ANKRD13B: variants seen among roughly 807,000 people sequenced by gnomAD.
The protein encoded by ANKRD13B is ankyrin repeat domain 13B.
ANKRD13B carries 33 observed loss-of-function variants against 74.4 expected under a neutral mutation model. The ratio of observed to expected loss-of-function variants is 0.44; its 90% CI spans 0.34 to 0.59. The LOEUF (loss-of-function observed/expected upper bound fraction) is 0.59. ANKRD13B is among the 20% of genes least tolerant of loss of function. The pLI is 0.02. For missense variants in ANKRD13B, 676 were observed against 877.9 expected (o/e 0.77, Z 2.91); for synonymous variants, 341 against 362.9 (o/e 0.94, Z 0.68).
At chr17:29,607,002 A>G (rs1189280942) in intron 1 of ANKRD13B, among the ~76,000 whole-genome samples, 3 of 152,088 alleles carry the variant, frequency 2.0e-5, no homozygotes, top group Non-Finnish European at 4.4e-5. Flanking sequence ...GCGAGCTGAT[A>G]TCACGTCATT....
Position 29,611,562 on chromosome 17 carries a change from T to C in ANKRD13B, c.905-17T>C, listed in dbSNP as rs755375303. On this transcript the variant is annotated splice_polypyrimidine_tract_variant and intron_variant, in intron 8 of 14. Coordinates refer to ENST00000394859, the MANE Select transcript of ANKRD13B (RefSeq NM_152345.5). The surrounding 1 kb of genome is among the most constrained non-coding windows in gnomAD (Gnocchi z 4.3). Reference sequence around the variant, plus strand: ...TGTGGAGTTGCGGTGTCCTCTGAGATGCCACATTTCTTGTAGGCTGTAAGA... The same window carrying C: ...TGTGGAGTTGCGGTGTCCTCTGAGACGCCACATTTCTTGTAGGCTGTAAGA... 5.6e-6 allele frequency: 9 copies of C among 1,613,678 alleles called. No individual in the cohort carries two copies. In the East Asian group the frequency reaches 2.0e-4, roughly 36 times the overall value.
At chr17:29,604,319 C>CT (rs1255596159) in intron 1 of ANKRD13B, among the ~76,000 whole-genome samples, 1 of 151,650 alleles carries the variant, frequency 6.6e-6, no homozygotes, top group Non-Finnish European at 1.5e-5. Context: ...AGGGATCCTC[C>CT]TGCCTCAGTC....
intron 1 of ANKRD13B, among the ~76,000 whole-genome samples, chr17:29,601,532 C>T (rs1167807109): frequency 6.6e-6 from 1 of 152,036 alleles, no homozygotes; most frequent in Non-Finnish European, 1.5e-5. Context: ...TCCTGACATT[C>T]TTATACATTT....
Position 29,608,907 on chromosome 17 carries a change from C to T in ANKRD13B, c.478C>T (p.Gln160Ter), listed in dbSNP as rs1567792532. ...SDTYKVWKSG[Q>*]NLRVDTTLLG... is the part of the protein sequence containing the mutation. ...CACCTACAAAGTGTGGAAGAGCGGC[C>T]AGAACCTGAGGGTAGACACCACACT... The change falls in exon 5 of 15, where the codon CAG (glutamine) becomes TAG (stop). Residue 160 changes from glutamine (Q) to a stop codon, truncating the protein, a stop_gained. Coordinates refer to ENST00000394859, the MANE Select transcript of ANKRD13B (RefSeq NM_152345.5). LOFTEE classifies it high-confidence loss of function. The surrounding 1 kb of genome is among the most constrained non-coding windows in gnomAD (Gnocchi z 6.4). 1 of 1,614,110 alleles carries T rather than the reference C, an allele frequency of 6.2e-7. No individual in the cohort carries two copies.
intron 1 of ANKRD13B, among the ~76,000 whole-genome samples, chr17:29,599,797 T>TC (rs1567786030): frequency 6.7e-6 from 1 of 148,894 alleles, no homozygotes; most frequent in African/African-American, 2.5e-5. Context: ...ATTACTGTTT[T>TC]CCCCCAAAGA....
chr17:29,610,915 C>T (rs1348262674), intron 8 of ANKRD13B, 149 bp downstream of exon 8: 1 of 788,772 alleles, frequency 1.3e-6, no homozygotes. Context: ...AGGTGCCAAG[C>T]CCTAAGGATG....
intron 1 of ANKRD13B, among the ~76,000 whole-genome samples, chr17:29,595,441 A>T (rs1253090129): frequency 1.3e-5 from 2 of 152,188 alleles, no homozygotes; most frequent in Non-Finnish European, 2.9e-5. Context: ...CCCTTGCCTG[A>T]GGGTGGGTGG....
At position 29,609,493 on chromosome 17, in the gene ANKRD13B, C is replaced by T; in HGVS notation, c.822+72C>T. 1.9e-6 allele frequency: 3 copies of T among 1,549,408 alleles called. No homozygotes were observed. The highest frequency in any genetic ancestry group is 2.3e-5 in the South Asian group (2 of 87,080). On this transcript the variant is annotated intron_variant, in intron 7 of 14. Coordinates refer to ENST00000394859, the MANE Select transcript of ANKRD13B (RefSeq NM_152345.5). This position sits in a 1 kb window ranked among gnomAD's most constrained non-coding sequence, Gnocchi z 4.0. ...CAGCAAGCTGTACAGGGGATTCTGA[C>T]CTCCCTTCCCCAGCCCTGGAGGTAC...
At position 29,608,398 on chromosome 17, in the gene ANKRD13B, C is replaced by A. The variant is rs1280647764; in HGVS notation, c.421+158C>A. Among the ~76,000 whole-genome samples the A allele has an allele frequency of 6.6e-6, 1 of 152,160 alleles. No individual in the cohort carries two copies. The highest frequency in any genetic ancestry group is 1.5e-5 in the Non-Finnish European group (1 of 68,042). On this transcript the variant is annotated intron_variant, in intron 4 of 14. Coordinates refer to ENST00000394859, the MANE Select transcript of ANKRD13B (RefSeq NM_152345.5). This position sits in a 1 kb window ranked among gnomAD's most constrained non-coding sequence, Gnocchi z 6.4. ...CTCAGCTAGGCCTTTCCAGATTGCC[C>A]CAGATACTGTCTTGACTCCATTATT...
In ANKRD13B at chr17:29,611,978, C is replaced by T. The variant is rs374816066; in HGVS notation, c.1072C>T (p.Pro358Ser). 2 of 1,613,642 alleles carry T rather than the reference C, an allele frequency of 1.2e-6. No homozygotes were observed. Among genetic ancestry groups the T allele is most frequent in the Non-Finnish European group, 1.7e-6 (2 of 1,179,782 alleles). ...FELGNRDMGR[P>S]MELTTKTQKF... is the part of the protein sequence containing the mutation. ...GCTGGGCAACCGTGATATGGGCCGCCCCATGGAACTGACCACCAAGACACA... is the reference window on the plus strand; with the variant it reads ...GCTGGGCAACCGTGATATGGGCCGCTCCATGGAACTGACCACCAAGACACA... The change falls in exon 10 of 15, where the codon CCC becomes TCC. Residue 358 changes from proline (P) to serine (S), a missense_variant. Transcript: ENST00000394859. The surrounding 1 kb of genome is among the most constrained non-coding windows in gnomAD (Gnocchi z 4.3).
intron 1 of ANKRD13B, among the ~76,000 whole-genome samples, chr17:29,603,777 T>G (rs1416342398): frequency 1.3e-5 from 2 of 152,178 alleles, no homozygotes; most frequent in Non-Finnish European, 2.9e-5. Context: ...ATGTTTTTCT[T>G]TAAACTCTTG....
chr17:29,614,590 G>C lies in ANKRD13B; in HGVS notation c.*1008G>C, dbSNP rs2150910528. The C allele has an allele frequency of 6.6e-6, 1 of 152,564 alleles. No individual in the cohort carries two copies. The highest frequency in any genetic ancestry group is 1.9e-4 in the East Asian group (1 of 5,178). The allele number at this position is 152,564 out of a possible 1,614,324, so 9.5% of individuals were successfully genotyped here. ...GGGCAGGGGCCCACCGCACACCCTT[G>C]TCCCGGGCCTGTCTGGGACTGGCCT... On this transcript the variant is annotated 3_prime_UTR_variant, in exon 15 of 15. Transcript: ENST00000394859.
intron 1 of ANKRD13B, among the ~76,000 whole-genome samples, chr17:29,605,415 A>AACAC (rs35418248): frequency 1.3e-5 from 2 of 149,512 alleles, no homozygotes; most frequent in African/African-American, 5.0e-5. Context: ...TACACACACA[A>AACAC]ACACACACAC....
At chr17:29,593,820 C>A in intron 1 of ANKRD13B, 85 bp downstream of exon 1, 1 of 772,124 alleles carries the variant, frequency 1.3e-6, no homozygotes, top group Non-Finnish European at 1.8e-6. Flanking sequence ...GCGGGCTGTC[C>A]CGCCTCCCTG....
In ANKRD13B at chr17:29,613,809, T is replaced by C; in HGVS notation, c.*227T>C. On this transcript the variant is annotated 3_prime_UTR_variant, in exon 15 of 15. Transcript: ENST00000394859. ...AACTGGCACGGCCTGGTCCCCCTGC[T>C]TTGCTGTATTCTGATTCCCCAACCC... The C allele has an allele frequency of 3.1e-6, 2 of 640,604 alleles. No individual in the cohort carries two copies. Among genetic ancestry groups the C allele is most frequent in the Non-Finnish European group, 4.9e-6 (2 of 409,518 alleles). 39.7% of individuals were successfully genotyped at this position (640,604 alleles called of 1,614,324 possible). A position where few individuals can be genotyped will look rare whatever the true frequency, so the allele number is the denominator to read the frequency against.
intron 7 of ANKRD13B, 95 bp from the exon 8 acceptor site, chr17:29,610,590 A>C (rs1413716149): frequency 4.7e-6 from 5 of 1,064,102 alleles, no homozygotes; most frequent in Non-Finnish European, 5.5e-6. Context: ...TCTCTCCAGG[A>C]CCCTTTGCTA....
At position 29,609,235 on chromosome 17, in the gene ANKRD13B, G is replaced by A. The variant is rs750963844; in HGVS notation, c.715G>A (p.Val239Ile). Reference protein sequence around the residue: ...QVLSRLTAPVVTTQLDTKNIS... With the variant: ...QVLSRLTAPVITTQLDTKNIS... Reference sequence around the variant, plus strand: ...GCTGAGCCGGCTTACCGCGCCCGTCGTCACCACTCAGCTTGACACCAAGAA... The same window carrying A: ...GCTGAGCCGGCTTACCGCGCCCGTCATCACCACTCAGCTTGACACCAAGAA... Residue 239 changes from valine to isoleucine, a missense_variant, in exon 6 of 15, where the codon GTC becomes ATC. Val to Ile is a conservative substitution (Grantham distance 29). Around this residue, in one of 4 missense-constraint regions of ANKRD13B, gnomAD observed 328 missense variants for 518.4 expected, o/e 0.63. Transcript: ENST00000394859. This position sits in a 1 kb window ranked among gnomAD's most constrained non-coding sequence, Gnocchi z 4.0. The A allele has an allele frequency of 2.2e-4, 350 of 1,612,954 alleles. 3 individuals are homozygous for A. The highest frequency in any genetic ancestry group is 2.8e-4 in the Non-Finnish European group (331 of 1,179,838).
chr17:29,607,605 G>A (rs1028046527), intron 1 of ANKRD13B, 137 bp from the exon 2 acceptor site: 52 of 1,225,910 alleles, frequency 4.2e-5, no homozygotes, highest in East Asian at 2.5e-4. Flanking sequence ...CTGTCTTTCC[G>A]TTGCCTTGTG....
Position 29,609,345 on chromosome 17 carries a change from G to C in ANKRD13B, c.756-10G>C. The C allele has an allele frequency of 3.7e-6, 6 of 1,613,536 alleles. No homozygotes were observed. Among genetic ancestry groups the C allele is most frequent in the Non-Finnish European group, 4.2e-6 (5 of 1,179,968 alleles). The stretch of plus-strand genomic sequence containing the variant: ...GTGCCTGCCTCACCTGGACCACTCT[G>C]CTTCCCCAGGAACAAGACTGGCATC... On this transcript the variant is annotated splice_polypyrimidine_tract_variant and intron_variant, in intron 6 of 14. Transcript: ENST00000394859. This position sits in a 1 kb window ranked among gnomAD's most constrained non-coding sequence, Gnocchi z 4.0.
Sources: allele counts gnomAD v4.1 joint callset (sites outside exome capture counted in the v4.1 genomes callset), GRCh38; gene constraint gnomAD v4.1.1; regional missense constraint gnomAD v4.1.1; non-coding constraint Gnocchi (gnomAD v3.1); transcripts MANE v1.5; gene names NCBI Gene and HGNC (gene_info 2026-07-23, HGNC 2026-07-21).